Variants in MECOM observed in about 807,000 individuals in gnomAD.
The protein encoded by MECOM is histone-lysine N-methyltransferase MECOM.
MECOM carries 13 observed loss-of-function variants against 116.3 expected under a neutral mutation model. The observed-to-expected ratio is 0.11, with a 90% CI of 0.07 to 0.18. The LOEUF (loss-of-function observed/expected upper bound fraction) is 0.18, where lower values mean the gene tolerates loss of function less well. Among genes scored for constraint, MECOM ranks in the 10% least tolerant of loss-of-function variants. MECOM has a pLI of 1.00. For missense variants in MECOM, 1,299 were observed against 1,509.0 expected, an observed-to-expected ratio of 0.86 and a Z score of 2.31; for synonymous variants, 528 against 535.2, an observed-to-expected ratio of 0.99 and a Z score of 0.19.
chr3:169,359,984 A>C (rs1020486150), intron 2 of MECOM, among the ~76,000 whole-genome samples: 6 of 151,718 alleles, frequency 4.0e-5, no homozygotes, highest in African/African-American at 1.5e-4. Flanking sequence ...AGGAGAATTG[A>C]AAGGAGTTAA....
At chr3:169,355,542 A>C (rs1727128720) in intron 2 of MECOM, among the ~76,000 whole-genome samples, 1 of 151,986 alleles carries the variant, frequency 6.6e-6, no homozygotes, top group Non-Finnish European at 1.5e-5. Context: ...TATTGCACCC[A>C]GAGGCTAAAA....
At chr3:169,279,660 G>A (rs1220498999) in intron 2 of MECOM, among the ~76,000 whole-genome samples, 1 of 152,156 alleles carries the variant, frequency 6.6e-6, no homozygotes, top group African/African-American at 2.4e-5. Context: ...GTTTCATGTA[G>A]CATAATCAAA....
rs2306279 is a variant in MECOM at position 169,084,836 on chromosome 3, C to T, written c.*73G>A. On this transcript the variant is annotated 3_prime_UTR_variant, in exon 17 of 17. Coordinates refer to ENST00000651503, the MANE Select transcript of MECOM (RefSeq NM_004991.4). ...TTTATAAGGCATTCTGCTCAGCAGT[C>T]TTGTAAATAGTCCTATATGAAAGAG... 7 of 1,574,414 alleles carry T rather than the reference C, an allele frequency of 4.4e-6. No individual in the cohort carries two copies. The East Asian group carries it at 1.6e-4, about 35-fold the overall frequency.
chr3:169,346,321 A>C (rs187207502), intron 2 of MECOM, among the ~76,000 whole-genome samples: 70 of 152,198 alleles, frequency 4.6e-4, no homozygotes, highest in African/African-American at 1.6e-3. Context: ...CAAAGTGGTA[A>C]ATCTTGTGAT....
In MECOM at chr3:169,610,261, C is replaced by T. The variant is rs571473076; in HGVS notation, c.37+53075G>A. ...GGATGCCTATGTAAATAAAGGAATA[C>T]GATCTACTAGGGTTGCCAAACATAT... is the stretch of plus-strand genomic sequence containing the variant. On this transcript the variant is annotated intron_variant, in intron 1 of 16. Coordinates refer to ENST00000651503, the MANE Select transcript of MECOM (RefSeq NM_004991.4). 6.6e-5 allele frequency among the ~76,000 whole-genome samples: 10 copies of T among 152,140 alleles called. No individual in the cohort carries two copies. The East Asian group carries it at 1.2e-3, about 18-fold the overall frequency.
At chr3:169,319,481 G>T (rs1222931654) in intron 2 of MECOM, among the ~76,000 whole-genome samples, 1 of 152,006 alleles carries the variant, frequency 6.6e-6, no homozygotes, top group East Asian at 1.9e-4. Context: ...TAGATGACGG[G>T]TTGATGGGTG....
At chr3:169,547,685 A>G (rs895455644) in intron 1 of MECOM, among the ~76,000 whole-genome samples, 3 of 152,148 alleles carry the variant, frequency 2.0e-5, no homozygotes, top group Admixed American at 2.0e-4. Flanking sequence ...ATCTTTGCCA[A>G]TGTAATTAAT....
At chr3:169,147,277 AT>A in intron 2 of MECOM, 1 of 985,510 alleles carries the variant, frequency 1.0e-6, no homozygotes, top group Middle Eastern at 5.2e-4. Context: ...GGGGAGCTCT[AT>A]CCCCCTTTCA....
At chr3:169,313,492 A>G (rs1719176029) in intron 2 of MECOM, among the ~76,000 whole-genome samples, 1 of 152,224 alleles carries the variant, frequency 6.6e-6, no homozygotes, top group African/African-American at 2.4e-5. Flanking sequence ...TGTCTGCAGG[A>G]GGTGAGAGAG....
chr3:169,205,071 C>T (rs1749720757), intron 2 of MECOM, among the ~76,000 whole-genome samples: 1 of 152,140 alleles, frequency 6.6e-6, no homozygotes, highest in African/African-American at 2.4e-5. Flanking sequence ...TTTGTTTAGA[C>T]CTCATCTTGG....
chr3:169,509,889 G>A (rs751586918), intron 1 of MECOM, among the ~76,000 whole-genome samples: 18 of 152,166 alleles, frequency 1.2e-4, no homozygotes, highest in Non-Finnish European at 1.8e-4. Flanking sequence ...AGTCCAAGCC[G>A]ACTCAAAGGC....
intron 2 of MECOM, chr3:169,145,240 C>A (rs1044355662): frequency 6.1e-6 from 3 of 493,046 alleles, no homozygotes; most frequent in Non-Finnish European, 1.1e-5. Context: ...ACACTAACAA[C>A]GACAGAAGTG....
intron 14 of MECOM, among the ~76,000 whole-genome samples, chr3:169,091,349 AG>A (rs1240852865): frequency 6.6e-6 from 1 of 152,106 alleles, no homozygotes; most frequent in Non-Finnish European, 1.5e-5. Flanking sequence ...GTAGGAGTTC[AG>A]GGGAAAAACT....
At chr3:169,419,353 C>A (rs1739308043) in intron 1 of MECOM, among the ~76,000 whole-genome samples, 1 of 152,136 alleles carries the variant, frequency 6.6e-6, no homozygotes, top group Non-Finnish European at 1.5e-5. Context: ...TTATCCCCAT[C>A]AGGCTACCAT....
intron 2 of MECOM, among the ~76,000 whole-genome samples, chr3:169,380,625 A>G (rs768884017): frequency 1.3e-5 from 2 of 152,172 alleles, no homozygotes; most frequent in Non-Finnish European, 2.9e-5. Context: ...ATTTGAATAT[A>G]AAGAACCATA....
intron 2 of MECOM, among the ~76,000 whole-genome samples, chr3:169,302,876 C>G (rs139580669): frequency 6.6e-6 from 1 of 151,448 alleles, no homozygotes; most frequent in Non-Finnish European, 1.5e-5. Context: ...AAAAAAAAAG[C>G]GTAACATTTT....
At position 169,105,327 on chromosome 3, in the gene MECOM, T is replaced by C. The variant is rs80254991; in HGVS notation, c.2604+2599A>G. ...CTAGTCAACACCTTAGATTAAGATA[T>C]TGGATTAACACGAACTCTATTGAGT... On this transcript the variant is annotated intron_variant, in intron 10 of 16. Transcript: ENST00000651503. 8.1e-3 allele frequency among the ~76,000 whole-genome samples: 1,236 copies of C among 152,156 alleles called. 12 individuals carry two copies. The highest frequency in any genetic ancestry group is 0.028 in the African/African-American group (1,170 of 41,544).
chr3:169,166,403 G>A (rs986387076), intron 2 of MECOM, among the ~76,000 whole-genome samples: 2 of 151,980 alleles, frequency 1.3e-5, no homozygotes, highest in South Asian at 2.1e-4. Flanking sequence ...CTCTTTTAAC[G>A]TCACTCCGAA....
chr3:169,414,963 G>A (rs1490803543), intron 1 of MECOM, among the ~76,000 whole-genome samples: 1 of 152,164 alleles, frequency 6.6e-6, no homozygotes, highest in Admixed American at 6.5e-5. Context: ...CACACTTCAG[G>A]ATATTATCCA....
Sources: allele counts gnomAD v4.1 joint callset (sites outside exome capture counted in the v4.1 genomes callset), GRCh38; gene constraint gnomAD v4.1.1; transcripts MANE v1.5; gene names NCBI Gene and HGNC (gene_info 2026-07-23, HGNC 2026-07-21).